The following FANCA variants were observed in gnomAD, a reference collection of about 807,000 sequenced individuals.
The protein encoded by FANCA is FA complementation group A, also known as Fanconi anemia group A protein.
A neutral mutation model predicts 194.3 loss-of-function variants in FANCA; 236 were observed. That is an observed-to-expected ratio of 1.21 (90% confidence interval 1.09 to 1.35). The LOEUF (loss-of-function observed/expected upper bound fraction) is 1.35, where lower values mean the gene tolerates loss of function less well. FANCA is among the 40% of genes most tolerant of loss of function. FANCA has a pLI of 0.00. For missense variants in FANCA, 2,628 were observed against 1,813.9 expected (o/e 1.45, Z -8.15); for synonymous variants, 1,014 against 715.8 (o/e 1.42, Z -6.65).
At chr16:89,739,658 G>T (rs2062075632) in intron 39 of FANCA, 105 bp from the exon 40 acceptor site, 2 of 1,508,164 alleles carry the variant, frequency 1.3e-6, no homozygotes, top group African/African-American at 2.8e-5. Context: ...AGGCCTGGCT[G>T]TGGGGATAGT....
At chr16:89,805,772 TCATTATG>T (rs2040618272) in intron 6 of FANCA, among the ~76,000 whole-genome samples, 1 of 103,836 alleles carries the variant, frequency 9.6e-6, no homozygotes, top group African/African-American at 5.1e-5. Flanking sequence ...CTTCTTTGAC[TCATTATG>T]TTAACTTTCA....
At chr16:89,813,870 T>C (rs17232162) in intron 3 of FANCA, among the ~76,000 whole-genome samples, 2,081 of 152,164 alleles carry the variant, frequency 0.014, 37 homozygotes, top group South Asian at 0.097. Flanking sequence ...ACTATATCTT[T>C]AGCAGAAAAA....
intron 28 of FANCA, among the ~76,000 whole-genome samples, chr16:89,762,421 C>T (rs1379846966): frequency 2.0e-5 from 3 of 151,754 alleles, no homozygotes; most frequent in African/African-American, 7.3e-5. Context: ...TGGTGACACC[C>T]CGTCTCTACA....
chr16:89,775,080 ACT>A (rs1555550187), intron 21 of FANCA, among the ~76,000 whole-genome samples: 1 of 150,960 alleles, frequency 6.6e-6, no homozygotes, highest in Non-Finnish European at 1.5e-5. Context: ...ACAGAGCGAG[ACT>A]CTGTCTCAAA....
chr16:89,806,495 G>A (rs1390212842), intron 6 of FANCA, among the ~76,000 whole-genome samples: 1 of 151,828 alleles, frequency 6.6e-6, no homozygotes, highest in Non-Finnish European at 1.5e-5. Context: ...AGGACCCTGA[G>A]GCCTTCTGCA....
Position 89,782,756 on chromosome 16 carries a change from A to T in FANCA, c.1626+103T>A. The T allele has an allele frequency of 4.8e-6, 5 of 1,043,960 alleles. No individual in the cohort carries two copies. In the Admixed American group the frequency reaches 9.2e-5, roughly 19 times the overall value. 64.7% of individuals were successfully genotyped at this position (1,043,960 alleles called of 1,614,324 possible). On this transcript the variant is annotated intron_variant, in intron 17 of 42. Transcript: ENST00000389301. ...TGCGCCCGAGGCAAGACCAGACATGAGACTGGGAAGGCTGAAAAACTCAAC... is the reference window on the plus strand; with the variant it reads ...TGCGCCCGAGGCAAGACCAGACATGTGACTGGGAAGGCTGAAAAACTCAAC...
At chr16:89,739,954 G>A (rs764012333) in intron 39 of FANCA, 40 bp downstream of exon 39, 4 of 1,611,696 alleles carry the variant, frequency 2.5e-6, no homozygotes, top group East Asian at 2.2e-5. Flanking sequence ...TCTGAAAAGA[G>A]CGGCCCTCCG....
intron 27 of FANCA, among the ~76,000 whole-genome samples, chr16:89,765,615 G>A (rs1042463022): frequency 6.6e-6 from 1 of 152,240 alleles, no homozygotes; most frequent in Non-Finnish European, 1.5e-5. Flanking sequence ...CAGGAATGGC[G>A]TTCCCACCAA....
At chr16:89,763,720 C>T (rs540089946) in intron 28 of FANCA, among the ~76,000 whole-genome samples, 6 of 151,432 alleles carry the variant, frequency 4.0e-5, no homozygotes, top group African/African-American at 1.5e-4. Context: ...GGGCAGATCA[C>T]GAGGTCAGGA....
chr16:89,791,733 T>C, intron 13 of FANCA, 194 bp downstream of exon 13: 1 of 962,714 alleles, frequency 1.0e-6, no homozygotes, highest in South Asian at 1.5e-5. Context: ...GTGGACACTC[T>C]GGCCTCTCAG....
chr16:89,751,746 C>T (rs1037072301), intron 31 of FANCA, among the ~76,000 whole-genome samples: 18 of 151,956 alleles, frequency 1.2e-4, no homozygotes, highest in African/African-American at 4.3e-4. Context: ...ACTGGGATTA[C>T]AAGCCTGAGC....
chr16:89,775,912 A>G, intron 20 of FANCA, 97 bp from the exon 21 acceptor site: 1 of 707,480 alleles, frequency 1.4e-6, no homozygotes, highest in South Asian at 1.8e-5. Flanking sequence ...AACATATTAA[A>G]TTTAAATAAA....
At chr16:89,739,318 C>G (rs1415869479) in intron 40 of FANCA, 29 bp from the exon 41 acceptor site, 1 of 1,613,730 alleles carries the variant, frequency 6.2e-7, no homozygotes, top group African/African-American at 1.3e-5. Flanking sequence ...TGACAAATGG[C>G]TACAGACTGC....
Position 89,791,390 on chromosome 16 carries a change from G to C in FANCA, c.1359+13C>G. 6.2e-7 allele frequency: 1 copy of C among 1,613,400 alleles called. No individual in the cohort carries two copies. The highest frequency in any genetic ancestry group is 8.5e-7 in the Non-Finnish European group (1 of 1,179,692). On this transcript the variant is annotated intron_variant, in intron 14 of 42. Transcript: ENST00000389301. ...AGATCAGGTATTAGGTAGCCGATTG[G>C]CAGGTCACTTACCTTGAACCAGTCT...
chr16:89,765,953 A>C (rs1237481955), intron 27 of FANCA, among the ~76,000 whole-genome samples: 1 of 152,122 alleles, frequency 6.6e-6, no homozygotes, highest in Non-Finnish European at 1.5e-5. Context: ...AAAGCTTCTC[A>C]GTTGATTCTA....
chr16:89,800,334 C>T (rs937642504), intron 8 of FANCA, among the ~76,000 whole-genome samples: 2 of 152,216 alleles, frequency 1.3e-5, no homozygotes, highest in Admixed American at 6.5e-5. Context: ...ATCTCCTGGG[C>T]TTAAAGCATA....
chr16:89,750,071 G>C (rs1288766716), intron 31 of FANCA, among the ~76,000 whole-genome samples, 169 bp from the exon 32 acceptor site: 1 of 152,236 alleles, frequency 6.6e-6, no homozygotes, highest in Non-Finnish European at 1.5e-5. Flanking sequence ...TGCAAATATA[G>C]AACAGTGCAG....
rs529748804 is a variant in FANCA at position 89,738,559 on chromosome 16, T to A, written c.*42A>T. 49 of 1,612,356 alleles carry A rather than the reference T, an allele frequency of 3.0e-5. No individual in the cohort carries two copies. Among genetic ancestry groups the A allele is most frequent in the Admixed American group, 1.5e-4 (9 of 60,028 alleles). ...GCTCCATGTTATGCTTGTAATAAAT[T>A]ATTTACACGGGAGCTGGGCTGGTGT... On this transcript the variant is annotated 3_prime_UTR_variant, in exon 43 of 43. Transcript: ENST00000389301.
At chr16:89,811,490 T>TA (rs1248127513) in intron 3 of FANCA, among the ~76,000 whole-genome samples, 1 of 152,180 alleles carries the variant, frequency 6.6e-6, no homozygotes, top group African/African-American at 2.4e-5. Flanking sequence ...ATGGTTGTGA[T>TA]AAAATTAGGC....
Sources: gnomAD v4.1 joint callset for allele counts (sites outside exome capture counted in the v4.1 genomes callset) on GRCh38, gnomAD v4.1.1 for gene constraint, MANE v1.5 for transcripts, NCBI Gene and HGNC (gene_info 2026-07-23, HGNC 2026-07-21) for gene names.